LRRN1: variants seen among roughly 807,000 people sequenced by gnomAD.
LRRN1 encodes the protein leucine rich repeat neuronal 1.
LRRN1 carries 14 observed loss-of-function variants against 45.8 expected under a neutral mutation model. That is an observed-to-expected ratio of 0.31 (90% CI 0.20 to 0.48). The LOEUF is 0.48. LRRN1 is among the 20% of genes least tolerant of loss of function. The pLI, the probability that LRRN1 is intolerant of heterozygous loss-of-function variation, is 0.99. For missense variants in LRRN1, 789 were observed against 874.2 expected (o/e 0.90, Z 1.23); for synonymous variants, 359 against 330.1 (o/e 1.09, Z -0.95).
chr3:3,824,545 T>C (rs1218920742), intron 1 of LRRN1, among the ~76,000 whole-genome samples: 1 of 151,966 alleles, frequency 6.6e-6, no homozygotes, highest in African/African-American at 2.4e-5. Flanking sequence ...GACTAATTTT[T>C]TGAAATAAGT....
intron 1 of LRRN1, among the ~76,000 whole-genome samples, chr3:3,823,972 A>G (rs1693163472): frequency 6.6e-6 from 1 of 152,190 alleles, no homozygotes. Context: ...GCTAACATGC[A>G]CTGAGCTGGA....
intron 1 of LRRN1, among the ~76,000 whole-genome samples, chr3:3,822,033 T>C (rs566498679): frequency 2.0e-5 from 3 of 152,324 alleles, no homozygotes; most frequent in Non-Finnish European, 4.4e-5. Flanking sequence ...AGAAAAGCGA[T>C]GCGATTTGGG....
intron 1 of LRRN1, among the ~76,000 whole-genome samples, chr3:3,832,604 G>T (rs1379205725): frequency 6.6e-6 from 1 of 152,138 alleles, no homozygotes; most frequent in African/African-American, 2.4e-5. Flanking sequence ...CTGGTAAAAT[G>T]CTGGAGGTCT....
At chr3:3,808,144 T>C (rs745607781) in intron 1 of LRRN1, among the ~76,000 whole-genome samples, 1 of 152,170 alleles carries the variant, frequency 6.6e-6, no homozygotes, top group Non-Finnish European at 1.5e-5. Flanking sequence ...ATTAGTTCTA[T>C]GCAAATGAGA....
rs761403204 is a variant in LRRN1 at position 3,845,971 on chromosome 3, T to C, written c.1330T>C (p.Phe444Leu). The change falls in exon 2 of 2, where the codon TTC becomes CTC. Residue 444 changes from phenylalanine (F) to leucine (L), a missense_variant. Physicochemically the swap from Phe to Leu is conservative, Grantham distance 22 (BLOSUM62 0). Coordinates refer to ENST00000319331, the MANE Select transcript of LRRN1 (RefSeq NM_020873.7). This position sits in a 1 kb window ranked among gnomAD's most constrained non-coding sequence, Gnocchi z 6.5. ...RLNVDIGTTV[F>L]LDCRAMAEPE... ...AAACGTGGATATCGGCACGACGGTTTTCCTAGACTGTCGAGCCATGGCTGA... is the reference window on the plus strand; with the variant it reads ...AAACGTGGATATCGGCACGACGGTTCTCCTAGACTGTCGAGCCATGGCTGA... 5 of 1,613,988 alleles carry C rather than the reference T, an allele frequency of 3.1e-6. No individual in the cohort carries two copies. In the African/African-American group the frequency reaches 5.3e-5, roughly 17 times the overall value.
chr3:3,836,887 T>A (rs1404665018), intron 1 of LRRN1, among the ~76,000 whole-genome samples: 1 of 152,086 alleles, frequency 6.6e-6, no homozygotes, highest in Non-Finnish European at 1.5e-5. Flanking sequence ...GGCCTGCTAT[T>A]AAGAGGGGAA....
Position 3,846,550 on chromosome 3 carries a change from G to A in LRRN1, c.1909G>A (p.Gly637Arg). 1 of 1,614,074 alleles carries A rather than the reference G, an allele frequency of 6.2e-7. No individual in the cohort carries two copies. The highest frequency in any genetic ancestry group is 8.5e-7 in the Non-Finnish European group (1 of 1,180,010). The change falls in exon 2 of 2, where the codon GGG becomes AGG. Residue 637 changes from glycine to arginine, a missense_variant. Physicochemically the swap from Gly to Arg is moderately radical, Grantham distance 125. Coordinates refer to ENST00000319331, the MANE Select transcript of LRRN1 (RefSeq NM_020873.7). The surrounding 1 kb of genome is among the most constrained non-coding windows in gnomAD (Gnocchi z 5.7). The part of the protein sequence containing the change: ...ETSTALAAVM[G>R]SMFAVISLAS... ...CAGTACAGCCCTTGCTGCAGTAATG[G>A]GGTCTATGTTTGCCGTCATTAGCCT... is the stretch of plus-strand genomic sequence containing the variant.
intron 1 of LRRN1, among the ~76,000 whole-genome samples, chr3:3,809,927 T>G (rs191764652): frequency 6.6e-4 from 100 of 152,312 alleles, no homozygotes; most frequent in Non-Finnish European, 1.2e-3. Context: ...CTGAGGATGC[T>G]AATTCTGAGG....
At chr3:3,832,261 G>A (rs1025994977) in intron 1 of LRRN1, among the ~76,000 whole-genome samples, 1 of 152,140 alleles carries the variant, frequency 6.6e-6, no homozygotes. Flanking sequence ...TATTTTTCTA[G>A]GTAGAGGCAG....
intron 1 of LRRN1, among the ~76,000 whole-genome samples, chr3:3,840,064 G>A (rs969551053): frequency 1.3e-5 from 2 of 152,100 alleles, no homozygotes; most frequent in Admixed American, 6.5e-5. Context: ...CATTCTTAGA[G>A]GAGAAACTTT....
chr3:3,823,478 A>G (rs1023231791), intron 1 of LRRN1, among the ~76,000 whole-genome samples: 1 of 152,202 alleles, frequency 6.6e-6, no homozygotes, highest in South Asian at 2.1e-4. Context: ...TTCAGGACAT[A>G]AATTAATTTT....
In LRRN1 at chr3:3,817,554, A is replaced by G. The variant is rs74741905; in HGVS notation, c.-279+17635A>G. On this transcript the variant is annotated intron_variant, in intron 1 of 1. Transcript: ENST00000319331. ...AGGAACATTTTAATGTGGAAGGGAT[A>G]TGTTCTTGACATTTTCTTAGTCTAA... Among the ~76,000 whole-genome samples, 1,260 of 152,300 alleles carry G rather than the reference A, an allele frequency of 8.3e-3. 62 individuals carry two copies. In the East Asian group the frequency reaches 0.14, roughly 16 times the overall value.
At chr3:3,834,180 T>A (rs1351344238) in intron 1 of LRRN1, among the ~76,000 whole-genome samples, 1 of 151,988 alleles carries the variant, frequency 6.6e-6, no homozygotes, top group Non-Finnish European at 1.5e-5. Context: ...TCCACTGAAC[T>A]TAGGAGCAAC....
chr3:3,819,351 A>G (rs913865044), intron 1 of LRRN1, among the ~76,000 whole-genome samples: 1 of 152,186 alleles, frequency 6.6e-6, no homozygotes, highest in Non-Finnish European at 1.5e-5. Flanking sequence ...GCAATGTACC[A>G]CAAACTAGGT....
chr3:3,815,428 C>A (rs1692967697), intron 1 of LRRN1, among the ~76,000 whole-genome samples: 1 of 152,150 alleles, frequency 6.6e-6, no homozygotes, highest in African/African-American at 2.4e-5. Context: ...TAATTCATTT[C>A]TATCATTCCT....
At chr3:3,811,784 G>A (rs1692876157) in intron 1 of LRRN1, among the ~76,000 whole-genome samples, 1 of 152,226 alleles carries the variant, frequency 6.6e-6, no homozygotes, top group South Asian at 2.1e-4. Flanking sequence ...TGTACATGGT[G>A]TTATTTCTGT....
rs1693838707 is a variant in LRRN1 at position 3,849,169 on chromosome 3, A to G, written c.*2377A>G. Among the ~76,000 whole-genome samples, 1 of 152,216 alleles carries G rather than the reference A, an allele frequency of 6.6e-6. No homozygotes were observed. Among genetic ancestry groups the G allele is most frequent in the Non-Finnish European group, 1.5e-5 (1 of 68,032 alleles). ...TCTGCGAGGTTTCATTCGGCCCATA[A>G]AGCAAACATTTGAACTTACACAGAA... On this transcript the variant is annotated 3_prime_UTR_variant, in exon 2 of 2. Coordinates refer to ENST00000319331, the MANE Select transcript of LRRN1 (RefSeq NM_020873.7).
Position 3,847,391 on chromosome 3 carries a change from T to A in LRRN1, c.*599T>A. 6.0e-6 allele frequency: 1 copy of A among 166,738 alleles called. No homozygotes were observed. 10.3% of individuals were successfully genotyped at this position (166,738 alleles called of 1,614,324 possible). Reference sequence around the variant, plus strand: ...AATTTTCTTTTTCTTTCCTTTTTTTTTTTTTTGTTGTAATAGTTAAAGAGG... The same window carrying A: ...AATTTTCTTTTTCTTTCCTTTTTTTATTTTTTGTTGTAATAGTTAAAGAGG... On this transcript the variant is annotated 3_prime_UTR_variant, in exon 2 of 2. Coordinates refer to ENST00000319331, the MANE Select transcript of LRRN1 (RefSeq NM_020873.7).
chr3:3,845,967 G>A lies in LRRN1; in HGVS notation c.1326G>A (p.Thr442=), dbSNP rs1455331112. The change falls in exon 2 of 2, where the codon ACG becomes ACA. Residue 442 remains threonine, a synonymous_variant. Transcript: ENST00000319331. This position sits in a 1 kb window ranked among gnomAD's most constrained non-coding sequence, Gnocchi z 6.5. ...PNRLNVDIGT[T]VFLDCRAMAE... is the part of the protein sequence containing the mutation. ...GTTTAAACGTGGATATCGGCACGAC[G>A]GTTTTCCTAGACTGTCGAGCCATGG... 2.5e-6 allele frequency: 4 copies of A among 1,613,918 alleles called. No homozygotes were observed. Among genetic ancestry groups the A allele is most frequent in the African/African-American group, 1.3e-5 (1 of 74,912 alleles).
Sources: allele counts gnomAD v4.1 joint callset (sites outside exome capture counted in the v4.1 genomes callset), GRCh38; gene constraint gnomAD v4.1.1; non-coding constraint Gnocchi (gnomAD v3.1); transcripts MANE v1.5; gene names NCBI Gene and HGNC (gene_info 2026-07-23, HGNC 2026-07-21).